The following MCF2L2 variants were observed in gnomAD, a reference collection of about 807,000 sequenced individuals.
MCF2L2 encodes the protein MCF.2 cell line derived transforming sequence-like 2.
A neutral mutation model predicts 150.2 loss-of-function variants in MCF2L2; 102 were observed. The observed-to-expected ratio is 0.68, with a 90% CI of 0.58 to 0.80. The LOEUF (loss-of-function observed/expected upper bound fraction) is 0.80. Among genes scored for constraint, MCF2L2 ranks in the 30% least tolerant of loss-of-function variants. MCF2L2 has a pLI of 0.00. For missense variants in MCF2L2, 1,256 were observed against 1,372.8 expected (o/e 0.91, Z 1.34); for synonymous variants, 465 against 491.3 (o/e 0.95, Z 0.71).
intron 15 of MCF2L2, chr3:183,269,630 GA>G: frequency 3.2e-6 from 2 of 618,960 alleles, no homozygotes; most frequent in Non-Finnish European, 5.3e-6. Context: ...CGCAATCTCA[GA>G]AAAATGGGAC....
At position 183,410,101 on chromosome 3, in the gene MCF2L2, T is replaced by C. The variant is rs560666540; in HGVS notation, c.76+17801A>G. The stretch of plus-strand genomic sequence containing the variant: ...TGGACAACTAGTGCAGAAAGACCAA[T>C]GCAATCTCTAAAAGTGGCTATTCCC... On this transcript the variant is annotated intron_variant, in intron 1 of 29. Transcript: ENST00000328913. Among the ~76,000 whole-genome samples the C allele has an allele frequency of 1.6e-4, 24 of 152,236 alleles. 1 individual carries two copies. The highest frequency in any genetic ancestry group is 2.1e-4 in the Non-Finnish European group (14 of 68,022).
chr3:183,316,071 A>T (rs535940456), intron 7 of MCF2L2, among the ~76,000 whole-genome samples: 6 of 151,862 alleles, frequency 4.0e-5, no homozygotes, highest in African/African-American at 4.8e-5. Context: ...CAACAGGACC[A>T]CTCTGCAGAC....
At chr3:183,198,665 T>C (rs1437407466) in intron 25 of MCF2L2, among the ~76,000 whole-genome samples, 2 of 152,210 alleles carry the variant, frequency 1.3e-5, no homozygotes, top group African/African-American at 4.8e-5. Flanking sequence ...CTAAAATGTA[T>C]GTCCCCAGGA....
intron 15 of MCF2L2, among the ~76,000 whole-genome samples, chr3:183,260,544 A>T (rs150609425): frequency 1.3e-5 from 2 of 152,158 alleles, no homozygotes; most frequent in Non-Finnish European, 2.9e-5. Context: ...GTTACTGGGA[A>T]TTATTGAGTT....
intron 15 of MCF2L2, among the ~76,000 whole-genome samples, chr3:183,255,100 C>T (rs1471961643): frequency 6.6e-6 from 1 of 152,174 alleles, no homozygotes; most frequent in Non-Finnish European, 1.5e-5. Flanking sequence ...GATGAAAGTA[C>T]ATCCATCAGA....
At position 183,362,783 on chromosome 3, in the gene MCF2L2, C is replaced by A. The variant is rs561540030; in HGVS notation, c.275+16514G>T. Among the ~76,000 whole-genome samples, 149 of 151,940 alleles carry A rather than the reference C, an allele frequency of 9.8e-4. 1 individual carries two copies. Among genetic ancestry groups the A allele is most frequent in the Non-Finnish European group, 1.5e-4 (10 of 67,972 alleles). ...AGCCCTGTCAATTAAACGCAAGATG[C>A]AAGCAGTAGTCATCTACATAAAGCT... On this transcript the variant is annotated intron_variant, in intron 3 of 29. Coordinates refer to ENST00000328913, the MANE Select transcript of MCF2L2 (RefSeq NM_015078.4).
intron 5 of MCF2L2, among the ~76,000 whole-genome samples, chr3:183,324,508 T>C (rs1729944602): frequency 6.6e-6 from 1 of 152,236 alleles, no homozygotes; most frequent in Non-Finnish European, 1.5e-5. Context: ...GACATAAGAA[T>C]ATGGACTTCC....
intron 1 of MCF2L2, among the ~76,000 whole-genome samples, chr3:183,418,416 A>C (rs185877998): frequency 1.3e-5 from 2 of 152,194 alleles, no homozygotes; most frequent in Admixed American, 1.3e-4. Flanking sequence ...ACATTTCAAA[A>C]CCAATTATGT....
At chr3:183,300,513 C>G (rs1337214771) in intron 10 of MCF2L2, among the ~76,000 whole-genome samples, 2 of 152,264 alleles carry the variant, frequency 1.3e-5, no homozygotes, top group East Asian at 3.9e-4. Flanking sequence ...CTAAATTACA[C>G]AAATCGTTAA....
intron 27 of MCF2L2, among the ~76,000 whole-genome samples, chr3:183,185,600 C>G (rs946741830): frequency 6.6e-6 from 1 of 152,204 alleles, no homozygotes; most frequent in Non-Finnish European, 1.5e-5. Flanking sequence ...GTGTGTGCTG[C>G]TAACCAATTT....
intron 15 of MCF2L2, among the ~76,000 whole-genome samples, chr3:183,261,154 A>G (rs1429294202): frequency 6.6e-6 from 1 of 152,240 alleles, no homozygotes; most frequent in East Asian, 1.9e-4. Context: ...GTAACTAGTT[A>G]TATTTCTTAA....
At chr3:183,271,549 T>C (rs1304142948) in intron 15 of MCF2L2, 1 of 167,082 alleles carries the variant, frequency 6.0e-6, no homozygotes, top group African/African-American at 2.4e-5. Flanking sequence ...ATACCTTTTT[T>C]TGCATCTTTT....
rs73886906 is a variant in MCF2L2, at chr3:183,398,731, C to T, written c.77-8952G>A. Among the ~76,000 whole-genome samples the T allele has an allele frequency of 4.9e-3, 749 of 152,040 alleles. 9 individuals are homozygous for T. The highest frequency in any genetic ancestry group is 0.016 in the African/African-American group (683 of 41,468). ...TCCCCTAATCAGTGTTGCTTTAGTCCGAAAAGTCAGCTGACAGTATCTCAT... is the reference window on the plus strand; with the variant it reads ...TCCCCTAATCAGTGTTGCTTTAGTCTGAAAAGTCAGCTGACAGTATCTCAT... On this transcript the variant is annotated intron_variant, in intron 1 of 29. Transcript: ENST00000328913.
intron 20 of MCF2L2, among the ~76,000 whole-genome samples, 177 bp from the exon 21 acceptor site, chr3:183,220,101 C>G (rs555208219): frequency 6.6e-6 from 1 of 152,344 alleles, no homozygotes; most frequent in South Asian, 2.1e-4. Context: ...GTCCTTTCCA[C>G]AAACCTAGAA....
chr3:183,326,063 G>A (rs6770912), intron 5 of MCF2L2, among the ~76,000 whole-genome samples: 35,207 of 151,968 alleles, frequency 0.23, 4,639 homozygotes, highest in African/African-American at 0.35. Flanking sequence ...AGTTTTGTCA[G>A]TTTCAAAACT....
chr3:183,270,229 G>A lies in MCF2L2; in HGVS notation c.1862+6643C>T, dbSNP rs767733409. The A allele has an allele frequency of 9.9e-6, 16 of 1,614,154 alleles. No homozygotes were observed. Among genetic ancestry groups the A allele is most frequent in the Non-Finnish European group, 1.3e-5 (15 of 1,180,006 alleles). Reference sequence around the variant, plus strand: ...CCACTGGAGGGAGAAGAACTACAAAGAAAACTGGCTTGGGAAGATCAAAGG... The same window carrying A: ...CCACTGGAGGGAGAAGAACTACAAAAAAAACTGGCTTGGGAAGATCAAAGG... On this transcript the variant is annotated intron_variant, in intron 15 of 29. Transcript: ENST00000328913. This position sits in a 1 kb window ranked among gnomAD's most constrained non-coding sequence, Gnocchi z 4.5.
intron 22 of MCF2L2, among the ~76,000 whole-genome samples, chr3:183,210,515 G>A (rs1280068297): frequency 6.6e-6 from 1 of 152,132 alleles, no homozygotes; most frequent in Non-Finnish European, 1.5e-5. Flanking sequence ...TGTTGTCACT[G>A]AGCAACATCC....
At chr3:183,238,764 G>A (rs1359269497) in intron 15 of MCF2L2, among the ~76,000 whole-genome samples, 6 of 150,970 alleles carry the variant, frequency 4.0e-5, no homozygotes, top group African/African-American at 7.3e-5. Flanking sequence ...TTGGGAGGCC[G>A]AGGCAGGCGG....
intron 3 of MCF2L2, among the ~76,000 whole-genome samples, chr3:183,371,147 A>G (rs1712850929): frequency 6.6e-6 from 1 of 152,220 alleles, no homozygotes; most frequent in Non-Finnish European, 1.5e-5. Context: ...TAGACACTTG[A>G]AAAACAGTAT....
Sources: gnomAD v4.1 joint callset for allele counts (sites outside exome capture counted in the v4.1 genomes callset) on GRCh38, gnomAD v4.1.1 for gene constraint, Gnocchi (gnomAD v3.1) non-coding constraint, MANE v1.5 for transcripts, NCBI Gene and HGNC (gene_info 2026-07-23, HGNC 2026-07-21) for gene names.